IPCEF1: variants seen among roughly 807,000 people sequenced by gnomAD.
IPCEF1 encodes the protein interactor protein for cytohesin exchange factors 1.
A neutral mutation model predicts 50.9 loss-of-function variants in IPCEF1; 31 were observed. That is an observed-to-expected ratio of 0.61 (90% CI 0.46 to 0.82). IPCEF1 has a LOEUF of 0.82. Ranked by LOEUF, IPCEF1 falls within the 40% of genes least tolerant of loss-of-function variation. IPCEF1 has a pLI of 0.00. For synonymous variants in IPCEF1, 181 were observed against 192.0 expected (o/e 0.94, Z 0.47); for missense variants, 458 against 514.0 (o/e 0.89, Z 1.05).
At chr6:154,195,838 C>T (rs1776575543) in intron 10 of IPCEF1, among the ~76,000 whole-genome samples, 1 of 148,054 alleles carries the variant, frequency 6.8e-6, no homozygotes, top group African/African-American at 2.5e-5. Flanking sequence ...GTCACCCAGG[C>T]TGGGGTGCAG....
At chr6:154,176,002 G>T (rs1279754490) in intron 10 of IPCEF1, among the ~76,000 whole-genome samples, 1 of 152,194 alleles carries the variant, frequency 6.6e-6, no homozygotes, top group Non-Finnish European at 1.5e-5. Context: ...TCCCTGGGAT[G>T]CAAGACTGCT....
chr6:154,266,048 T>A (rs1781745602), intron 2 of IPCEF1, 84 bp from the exon 3 acceptor site: 1 of 771,370 alleles, frequency 1.3e-6, no homozygotes, highest in Admixed American at 2.4e-5. Context: ...GGAAAGAAAA[T>A]ACTTCTATTG....
chr6:154,292,357 T>C (rs1443746818), intron 1 of IPCEF1, among the ~76,000 whole-genome samples: 1 of 152,248 alleles, frequency 6.6e-6, no homozygotes, highest in Non-Finnish European at 1.5e-5. Flanking sequence ...CACTTAGTGA[T>C]TGCCTCATAT....
rs879092782 is a variant in IPCEF1, at chr6:154,159,552, C to G, written c.*276G>C. On this transcript the variant is annotated 3_prime_UTR_variant, in exon 12 of 12. Transcript: ENST00000367220. ...CAGAAGAGACATTTCTCACATCCCC[C>G]CTAGAGCCCCACATCACCGTGAGCT... 4.0e-5 allele frequency: 18 copies of G among 450,894 alleles called. No individual in the cohort carries two copies. The South Asian group carries it at 4.9e-4, about 12-fold the overall frequency. 27.9% of individuals were successfully genotyped at this position (450,894 alleles called of 1,614,324 possible). A position where few individuals can be genotyped will look rare whatever the true frequency, so the allele number is the denominator to read the frequency against.
chr6:154,222,191 T>C (rs950434741), intron 6 of IPCEF1, among the ~76,000 whole-genome samples: 2 of 152,168 alleles, frequency 1.3e-5, no homozygotes, highest in African/African-American at 2.4e-5. Context: ...GCAGAAAACA[T>C]TGAAGATAAC....
chr6:154,225,595 G>A (rs1165950696), intron 5 of IPCEF1, among the ~76,000 whole-genome samples: 1 of 152,126 alleles, frequency 6.6e-6, no homozygotes, highest in Non-Finnish European at 1.5e-5. Context: ...CCAGGCAGTA[G>A]GAAATAGGGA....
At chr6:154,174,965 AAACT>A (rs1430558119) in intron 10 of IPCEF1, among the ~76,000 whole-genome samples, 1 of 152,218 alleles carries the variant, frequency 6.6e-6, no homozygotes, top group African/African-American at 2.4e-5. Flanking sequence ...AAATCACAAC[AAACT>A]GTCTCTCAGA....
At chr6:154,194,944 A>G (rs1005566746) in intron 10 of IPCEF1, among the ~76,000 whole-genome samples, 1 of 152,068 alleles carries the variant, frequency 6.6e-6, no homozygotes, top group East Asian at 1.9e-4. Context: ...ATGTTCTAGG[A>G]ACAAAATTAA....
At chr6:154,312,336 T>C (rs942164771) in intron 1 of IPCEF1, among the ~76,000 whole-genome samples, 1 of 152,032 alleles carries the variant, frequency 6.6e-6, no homozygotes, top group Non-Finnish European at 1.5e-5. Flanking sequence ...TGGAGAGAAG[T>C]TGGTCAAAGA....
At chr6:154,199,147 G>C (rs1353259798) in intron 10 of IPCEF1, among the ~76,000 whole-genome samples, 1 of 152,154 alleles carries the variant, frequency 6.6e-6, no homozygotes, top group Non-Finnish European at 1.5e-5. Flanking sequence ...ATATGTAAAG[G>C]TTCTAATGCT....
At chr6:154,336,276 A>G (rs1268683147) in intron 1 of IPCEF1, among the ~76,000 whole-genome samples, 1 of 152,262 alleles carries the variant, frequency 6.6e-6, no homozygotes, top group African/African-American at 2.4e-5. Context: ...CTAAGTGTCC[A>G]TCAATGGACA....
intron 2 of IPCEF1, among the ~76,000 whole-genome samples, chr6:154,280,871 T>C (rs1236300590): frequency 2.6e-5 from 4 of 152,186 alleles, no homozygotes; most frequent in South Asian, 4.1e-4. Flanking sequence ...TTCCACTGCA[T>C]GTATGTTATA....
At chr6:154,326,925 T>A (rs909224457) in intron 1 of IPCEF1, among the ~76,000 whole-genome samples, 1 of 152,126 alleles carries the variant, frequency 6.6e-6, no homozygotes, top group Non-Finnish European at 1.5e-5. Flanking sequence ...CCTACATCCA[T>A]CTGATCTTCG....
chr6:154,205,372 A>C (rs1482336133), intron 9 of IPCEF1, among the ~76,000 whole-genome samples: 1 of 152,132 alleles, frequency 6.6e-6, no homozygotes, highest in Non-Finnish European at 1.5e-5. Context: ...AAACAGGTGG[A>C]TCACTTGAGG....
chr6:154,266,965 C>T (rs1258588818), intron 2 of IPCEF1, among the ~76,000 whole-genome samples: 2 of 152,080 alleles, frequency 1.3e-5, no homozygotes, highest in African/African-American at 4.8e-5. Flanking sequence ...ACATTCATGA[C>T]CTGTTTGTTT....
chr6:154,281,614 C>A (rs947922093), intron 2 of IPCEF1, among the ~76,000 whole-genome samples: 1 of 152,130 alleles, frequency 6.6e-6, no homozygotes, highest in Non-Finnish European at 1.5e-5. Context: ...GTAATCCCAG[C>A]ACTTTGGGAG....
intron 1 of IPCEF1, among the ~76,000 whole-genome samples, chr6:154,321,890 C>T (rs1172716926): frequency 6.7e-6 from 1 of 150,022 alleles, no homozygotes; most frequent in Admixed American, 6.7e-5. Context: ...AACCCCGATA[C>T]CAAAACCTAA....
intron 3 of IPCEF1, among the ~76,000 whole-genome samples, chr6:154,256,690 T>G (rs1781471246): frequency 6.6e-6 from 1 of 152,142 alleles, no homozygotes; most frequent in African/African-American, 2.4e-5. Flanking sequence ...ACTGCAAAAC[T>G]AGTTCTACAA....
chr6:154,257,910 C>T (rs1354108630), intron 3 of IPCEF1, among the ~76,000 whole-genome samples: 1 of 152,132 alleles, frequency 6.6e-6, no homozygotes, highest in African/African-American at 2.4e-5. Context: ...GCCATGTGGC[C>T]CAGGCTGGTC....
Sources: allele counts gnomAD v4.1 joint callset (sites outside exome capture counted in the v4.1 genomes callset), GRCh38; gene constraint gnomAD v4.1.1; transcripts MANE v1.5; gene names NCBI Gene and HGNC (gene_info 2026-07-23, HGNC 2026-07-21).